NEK10: variants seen among roughly 807,000 people sequenced by gnomAD.
NEK10 encodes NIMA related kinase 10, also known as serine/threonine-protein kinase Nek10.
NEK10 carries 122 observed loss-of-function variants against 159.8 expected under a neutral mutation model. That is an observed-to-expected ratio of 0.76 (90% CI 0.66 to 0.89). NEK10 has a LOEUF of 0.89. Among genes scored for constraint, NEK10 ranks in the 40% least tolerant of loss-of-function variants. The probability of loss-of-function intolerance (pLI) is 0.00; values close to 1 mark genes in which losing one functional copy is unlikely to be tolerated. For missense variants in NEK10, 1,342 were observed against 1,323.1 expected, an observed-to-expected ratio of 1.01 and a Z score of -0.22; for synonymous variants, 466 against 457.1, an observed-to-expected ratio of 1.02 and a Z score of -0.25.
intron 5 of NEK10, among the ~76,000 whole-genome samples, chr3:27,328,796 G>A (rs2046197342): frequency 6.6e-6 from 1 of 152,172 alleles, no homozygotes; most frequent in East Asian, 1.9e-4. Context: ...TTAGCCTACT[G>A]CAATAGTCCA....
Position 27,317,186 on chromosome 3 carries a change from C to A in NEK10, c.448-2848G>T, listed in dbSNP as rs189189759. Among the ~76,000 whole-genome samples, 607 of 152,352 alleles carry A rather than the reference C, an allele frequency of 4.0e-3. 3 individuals are homozygous for A. Among genetic ancestry groups the A allele is most frequent in the South Asian group, 6.4e-3 (31 of 4,830 alleles). On this transcript the variant is annotated intron_variant, in intron 6 of 35. Transcript: ENST00000691995. ...TGGAGCAAGGCCAGGAGATTGCTCA[C>A]AGACCCTGGTCTTCCTTGCATTTCC...
chr3:27,268,288 A>C (rs574004675), intron 22 of NEK10, among the ~76,000 whole-genome samples: 1 of 152,376 alleles, frequency 6.6e-6, no homozygotes, highest in East Asian at 1.9e-4. Context: ...GAAGGTAGCT[A>C]CACTAAGGAA....
At chr3:27,271,835 T>C (rs1429443836) in intron 22 of NEK10, among the ~76,000 whole-genome samples, 1 of 150,830 alleles carries the variant, frequency 6.6e-6, no homozygotes, top group Non-Finnish European at 1.5e-5. Flanking sequence ...AGAAAACATT[T>C]TGCATACAGC....
chr3:27,153,454 G>C (rs1047978496), intron 30 of NEK10, among the ~76,000 whole-genome samples: 6 of 152,030 alleles, frequency 3.9e-5, no homozygotes, highest in African/African-American at 1.4e-4. Flanking sequence ...GAAACAAATG[G>C]ACTTAACAGA....
At chr3:27,259,104 G>A (rs1483722583) in intron 22 of NEK10, among the ~76,000 whole-genome samples, 1 of 151,632 alleles carries the variant, frequency 6.6e-6, no homozygotes, top group Non-Finnish European at 1.5e-5. Flanking sequence ...GTTCACTGTA[G>A]ATTCTGGATA....
intron 15 of NEK10, among the ~76,000 whole-genome samples, chr3:27,294,739 T>G (rs1298792854): frequency 1.3e-5 from 2 of 152,110 alleles, no homozygotes; most frequent in Admixed American, 6.5e-5. Context: ...AGACAAAGGT[T>G]GTTTCTTTCT....
intron 20 of NEK10, among the ~76,000 whole-genome samples, chr3:27,287,125 T>C (rs145364855): frequency 0.011 from 1,429 of 133,194 alleles, 11 homozygotes; most frequent in Non-Finnish European, 0.015. Context: ...ATTTCTGTCA[T>C]AGGCCCTACT....
At chr3:27,230,996 A>G (rs1032921901) in intron 23 of NEK10, among the ~76,000 whole-genome samples, 1 of 152,020 alleles carries the variant, frequency 6.6e-6, no homozygotes, top group African/African-American at 2.4e-5. Flanking sequence ...CTTAAACTAT[A>G]TCCTAGAACA....
chr3:27,320,621 G>C (rs116722211), intron 6 of NEK10, among the ~76,000 whole-genome samples: 7 of 152,146 alleles, frequency 4.6e-5, no homozygotes, highest in African/African-American at 2.4e-5. Context: ...GTTCTGTATG[G>C]TTGGTCACAG....
intron 32 of NEK10, among the ~76,000 whole-genome samples, chr3:27,124,447 T>C (rs1486850206): frequency 1.3e-5 from 2 of 152,116 alleles, no homozygotes; most frequent in Non-Finnish European, 2.9e-5. Context: ...CTAGACACAG[T>C]AGATATTCTA....
chr3:27,160,698 G>A (rs188196576), intron 30 of NEK10, among the ~76,000 whole-genome samples: 93 of 152,226 alleles, frequency 6.1e-4, no homozygotes, highest in African/African-American at 2.1e-3. Context: ...TTGAGGTCAG[G>A]AGTTAGAGAC....
chr3:27,169,632 G>C (rs927619085), intron 29 of NEK10, among the ~76,000 whole-genome samples: 1 of 152,170 alleles, frequency 6.6e-6, no homozygotes, highest in Non-Finnish European at 1.5e-5. Flanking sequence ...ACAAGAAAAG[G>C]ATTTGTCTAT....
At chr3:27,176,245 A>T (rs902302698) in intron 26 of NEK10, among the ~76,000 whole-genome samples, 5 of 152,220 alleles carry the variant, frequency 3.3e-5, no homozygotes. Flanking sequence ...AGTTTCACCA[A>T]GCTCCTTGTT....
chr3:27,361,716 T>C (rs959687444), intron 1 of NEK10, among the ~76,000 whole-genome samples: 4 of 152,182 alleles, frequency 2.6e-5, no homozygotes, highest in Non-Finnish European at 5.9e-5. Context: ...CCCCTAGAAC[T>C]TTCACAAGTG....
chr3:27,146,897 C>A (rs1193758456), intron 30 of NEK10, among the ~76,000 whole-genome samples: 2 of 152,110 alleles, frequency 1.3e-5, no homozygotes, highest in Non-Finnish European at 2.9e-5. Context: ...TGAAGAACAG[C>A]AAACTGTTCA....
chr3:27,253,090 A>G (rs1476138308), intron 23 of NEK10, among the ~76,000 whole-genome samples: 1 of 152,162 alleles, frequency 6.6e-6, no homozygotes. Context: ...TTTTACCTAC[A>G]GGTTTATTTT....
At chr3:27,298,286 G>C (rs1180494802) in intron 13 of NEK10, among the ~76,000 whole-genome samples, 2 of 152,108 alleles carry the variant, frequency 1.3e-5, no homozygotes, top group African/African-American at 4.8e-5. Flanking sequence ...TTGTGATAGT[G>C]AATGAGTCTC....
chr3:27,293,916 C>T (rs1367304168), intron 15 of NEK10, among the ~76,000 whole-genome samples: 1 of 152,126 alleles, frequency 6.6e-6, no homozygotes, highest in African/African-American at 2.4e-5. Context: ...CTAGAAAGTA[C>T]AAAATGAGTA....
intron 22 of NEK10, among the ~76,000 whole-genome samples, chr3:27,256,853 T>C (rs1316541626): frequency 1.3e-5 from 2 of 152,016 alleles, no homozygotes; most frequent in South Asian, 2.1e-4. Context: ...TATCTATATG[T>C]AATATTAGCA....
Sources: allele counts gnomAD v4.1 joint callset (sites outside exome capture counted in the v4.1 genomes callset), GRCh38; gene constraint gnomAD v4.1.1; transcripts MANE v1.5; gene names NCBI Gene and HGNC (gene_info 2026-07-23, HGNC 2026-07-21).